The following UGGT2 variants were observed in gnomAD, a reference collection of about 807,000 sequenced individuals.
The protein encoded by UGGT2 is UDP-glucose glycoprotein glucosyltransferase 2.
A neutral mutation model predicts 192.1 loss-of-function variants in UGGT2; 180 were observed. The ratio of observed to expected loss-of-function variants is 0.94; its 90% CI spans 0.83 to 1.06. UGGT2 has a LOEUF of 1.06. UGGT2 is among the 50% of genes least tolerant of loss of function. UGGT2 has a pLI of 0.00. For missense variants in UGGT2, 1,849 were observed against 1,795.7 expected (o/e 1.03, Z -0.54); for synonymous variants, 580 against 591.0 (o/e 0.98, Z 0.27).
intron 38 of UGGT2, among the ~76,000 whole-genome samples, chr13:95,828,422 A>C (rs1886275542): frequency 6.6e-6 from 1 of 152,228 alleles, no homozygotes; most frequent in African/African-American, 2.4e-5. Context: ...ACAGACCGCT[A>C]GCAAGGCTAA....
At chr13:95,927,461 ATTTTCTTTC>A (rs1407056432) in intron 17 of UGGT2, 125 bp from the exon 18 acceptor site, 29 of 776,240 alleles carry the variant, frequency 3.7e-5, no homozygotes, top group African/African-American at 3.3e-4. Flanking sequence ...ATTACAATAC[ATTTTCTTTC>A]TTTTTTTTTT....
rs1247927555 is a variant in UGGT2 at position 95,926,937 on chromosome 13, C to T, written c.2200+91G>A. The stretch of plus-strand genomic sequence containing the variant: ...AATCTAGGCCTCTACTCAAAAATAG[C>T]AACATATTAAAATTTATTATACAAC... On this transcript the variant is annotated intron_variant, in intron 19 of 38. Transcript: ENST00000376747. 7 of 1,217,428 alleles carry T rather than the reference C, an allele frequency of 5.7e-6. No individual in the cohort carries two copies. The South Asian group carries it at 6.4e-5, about 11-fold the overall frequency. The allele number at this position is 1,217,428 out of a possible 1,614,324, so 75.4% of individuals were successfully genotyped here.
chr13:95,982,163 T>C (rs1433021157), intron 10 of UGGT2, among the ~76,000 whole-genome samples: 7 of 152,210 alleles, frequency 4.6e-5, no homozygotes, highest in Non-Finnish European at 8.8e-5. Flanking sequence ...GTTGCCAGCA[T>C]GGTTCTGATA....
intron 24 of UGGT2, among the ~76,000 whole-genome samples, chr13:95,893,657 A>T (rs2140247209): frequency 6.6e-6 from 1 of 152,336 alleles, no homozygotes; most frequent in Admixed American, 6.5e-5. Context: ...ATAGGAAAGA[A>T]TGCTCTTTGA....
intron 27 of UGGT2, among the ~76,000 whole-genome samples, chr13:95,882,774 G>A (rs1262343178): frequency 6.6e-6 from 1 of 152,138 alleles, no homozygotes; most frequent in Non-Finnish European, 1.5e-5. Context: ...CTGTTGAATA[G>A]CTGCTGAAAT....
chr13:95,906,372 A>G (rs1203178459), intron 20 of UGGT2, among the ~76,000 whole-genome samples: 1 of 152,184 alleles, frequency 6.6e-6, no homozygotes, highest in East Asian at 1.9e-4. Context: ...TTTTCTGTGT[A>G]AACAACTTGG....
At chr13:95,952,243 T>G (rs2050087969) in intron 12 of UGGT2, among the ~76,000 whole-genome samples, 2 of 151,944 alleles carry the variant, frequency 1.3e-5, no homozygotes, top group Admixed American at 1.3e-4. Context: ...CAAAAAAAGA[T>G]ACGACGGCCC....
In UGGT2 at chr13:95,983,851, T is replaced by C; in HGVS notation, c.1045A>G (p.Ile349Val). 1 of 1,567,630 alleles carries C rather than the reference T, an allele frequency of 6.4e-7. No individual in the cohort carries two copies. The highest frequency in any genetic ancestry group is 1.2e-5 in the South Asian group (1 of 84,054). ...TCTCTCATATGTTGATTTACAGCAA[T>C]TCTGGTTAGAGATCTGGAAAAATGA... ...FPIKARSLTR[I>V]AVNQHMREEI... Residue 349 changes from isoleucine to valine, a missense_variant, in exon 10 of 39, where the codon ATT becomes GTT. Ile to Val is a conservative substitution (Grantham distance 29). Coordinates refer to ENST00000376747, the MANE Select transcript of UGGT2 (RefSeq NM_020121.4).
intron 1 of UGGT2, among the ~76,000 whole-genome samples, chr13:96,050,411 T>C (rs544925629): frequency 5.3e-5 from 8 of 152,308 alleles, no homozygotes; most frequent in Non-Finnish European, 1.0e-4. Context: ...ATTCAGGACA[T>C]AGGCATGGGC....
intron 36 of UGGT2, among the ~76,000 whole-genome samples, chr13:95,846,754 G>C (rs952398781): frequency 6.6e-6 from 1 of 152,092 alleles, no homozygotes; most frequent in African/African-American, 2.4e-5. Context: ...GTGTTATTCA[G>C]GTTACCTATT....
At chr13:95,822,370 C>T (rs1885597687) in intron 38 of UGGT2, among the ~76,000 whole-genome samples, 1 of 152,002 alleles carries the variant, frequency 6.6e-6, no homozygotes. Flanking sequence ...AGCAGTGCTA[C>T]TGATTTGTGT....
At position 96,053,313 on chromosome 13, in the gene UGGT2, GGCAC is replaced by G. The variant is rs2053543651; in HGVS notation, c.-5_-2del. 1 of 1,580,162 alleles carries G rather than the reference GGCAC, an allele frequency of 6.3e-7. No individual in the cohort carries two copies. The highest frequency in any genetic ancestry group is 8.5e-7 in the Non-Finnish European group (1 of 1,172,534). ...CGTTCGTGGCTTTCGCTGGCGCCAT[GGCAC>G]GGAGAGAAAAGCGCGAGTCCCTCGG... On this transcript the variant is annotated 5_prime_UTR_variant, in exon 1 of 39. Transcript: ENST00000376747.
intron 26 of UGGT2, among the ~76,000 whole-genome samples, chr13:95,884,902 T>C (rs1337907060): frequency 6.6e-6 from 1 of 152,206 alleles, no homozygotes; most frequent in Non-Finnish European, 1.5e-5. Context: ...CATTGTTAAC[T>C]ATTCCTTAAT....
rs1887385409 is a variant in UGGT2 at position 95,837,201 on chromosome 13, T to G, written c.4286A>C (p.Asp1429Ala). Residue 1429 changes from aspartate (D) to alanine (A), a missense_variant and splice_region_variant, in exon 37 of 39, where the codon GAT becomes GCT. Asp to Ala is a moderately radical substitution (Grantham distance 126). Transcript: ENST00000376747. ...TTGGTAAATCATATTATTGGGGAGATCCTACAGAAAATTGTGATTTAATCA... is the reference window on the plus strand; with the variant it reads ...TTGGTAAATCATATTATTGGGGAGAGCCTACAGAAAATTGTGATTTAATCA... ...DPNSLSNLDQ[D>A]LPNNMIYQVA... 1 of 1,605,860 alleles carries G rather than the reference T, an allele frequency of 6.2e-7. No individual in the cohort carries two copies. Among genetic ancestry groups the G allele is most frequent in the Non-Finnish European group, 8.5e-7 (1 of 1,172,754 alleles).
intron 2 of UGGT2, among the ~76,000 whole-genome samples, chr13:96,028,909 G>C (rs907703019): frequency 6.6e-6 from 1 of 152,112 alleles, no homozygotes; most frequent in African/African-American, 2.4e-5. Flanking sequence ...ACTTTGGGAG[G>C]CCGAGGTGGG....
chr13:96,023,508 G>A (rs1418808423), intron 3 of UGGT2, 121 bp downstream of exon 3: 1 of 946,512 alleles, frequency 1.1e-6, no homozygotes, highest in African/African-American at 1.7e-5. Context: ...ATCAATGATA[G>A]GCTATGGAAC....
At chr13:95,934,791 G>C (rs1001453027) in intron 17 of UGGT2, among the ~76,000 whole-genome samples, 1 of 152,188 alleles carries the variant, frequency 6.6e-6, no homozygotes, top group African/African-American at 2.4e-5. Flanking sequence ...TTACAGGCAT[G>C]AACCACCATT....
chr13:95,927,127 C>G lies in UGGT2; in HGVS notation c.2102-1G>C. On this transcript the variant is annotated splice_acceptor_variant, in intron 18 of 38. Coordinates refer to ENST00000376747, the MANE Select transcript of UGGT2 (RefSeq NM_020121.4). LOFTEE classifies it high-confidence loss of function. ...GAGAAATCTTCAACATCAGCAGTTA[C>G]TGAAAAATTTCAAATTAAACGTTAA... The G allele has an allele frequency of 6.2e-7, 1 of 1,606,868 alleles. No individual in the cohort carries two copies. The highest frequency in any genetic ancestry group is 8.5e-7 in the Non-Finnish European group (1 of 1,178,196).
intron 1 of UGGT2, among the ~76,000 whole-genome samples, chr13:96,043,706 A>T (rs546956185): frequency 1.3e-5 from 2 of 152,272 alleles, no homozygotes; most frequent in Admixed American, 1.3e-4. Flanking sequence ...AAAGCGAGCA[A>T]GAGTAGCTAT....
Sources: gnomAD v4.1 joint callset for allele counts (sites outside exome capture counted in the v4.1 genomes callset) on GRCh38, gnomAD v4.1.1 for gene constraint, MANE v1.5 for transcripts, NCBI Gene and HGNC (gene_info 2026-07-23, HGNC 2026-07-21) for gene names.